The following ANKRD6 variants were observed in gnomAD, a reference collection of about 807,000 sequenced individuals.
The protein encoded by ANKRD6 is ankyrin repeat domain 6, also known as ankyrin repeat domain-containing protein 6.
Under a neutral mutation model 82.3 loss-of-function variants are expected in ANKRD6, and 56 were observed. That is an observed-to-expected ratio of 0.68 (90% CI 0.55 to 0.85). The LOEUF is 0.85. Ranked by LOEUF, ANKRD6 falls within the 40% of genes least tolerant of loss-of-function variation. The probability of loss-of-function intolerance (pLI) is 0.00; values close to 1 mark genes in which losing one functional copy is unlikely to be tolerated. For missense variants in ANKRD6, 852 were observed against 907.6 expected (o/e 0.94, Z 0.79); for synonymous variants, 347 against 352.1 (o/e 0.99, Z 0.16).
intron 1 of ANKRD6, among the ~76,000 whole-genome samples, chr6:89,557,121 T>A (rs888719586): frequency 6.6e-6 from 1 of 151,850 alleles, no homozygotes; most frequent in South Asian, 2.1e-4. Context: ...AGGAACAGGT[T>A]TGGGAGGAAG....
At chr6:89,614,506 C>T (rs970983983) in intron 7 of ANKRD6, among the ~76,000 whole-genome samples, 5 of 151,980 alleles carry the variant, frequency 3.3e-5, no homozygotes, top group African/African-American at 1.2e-4. Context: ...ATTAGCCAGG[C>T]GTGGTGGCGT....
chr6:89,571,947 C>T (rs1790011282), intron 2 of ANKRD6, among the ~76,000 whole-genome samples: 1 of 152,338 alleles, frequency 6.6e-6, no homozygotes, highest in East Asian at 1.9e-4. Flanking sequence ...CCACCCCAAT[C>T]CCTGGCAACC....
intron 1 of ANKRD6, among the ~76,000 whole-genome samples, chr6:89,526,019 T>C (rs1782459314): frequency 9.2e-5 from 14 of 152,248 alleles, no homozygotes; most frequent in Admixed American, 8.5e-4. Context: ...GTTTTTCTTG[T>C]AGCTGTAGGA....
intron 3 of ANKRD6, among the ~76,000 whole-genome samples, chr6:89,599,622 C>T (rs1172071501): frequency 2.7e-5 from 4 of 148,344 alleles, no homozygotes; most frequent in Non-Finnish European, 4.5e-5. Context: ...GATAACTGAC[C>T]CTGTTTCAAC....
intron 1 of ANKRD6, among the ~76,000 whole-genome samples, chr6:89,461,518 G>A (rs1026301947): frequency 1.5e-4 from 23 of 152,172 alleles, no homozygotes; most frequent in African/African-American, 4.1e-4. Flanking sequence ...ACATATGTCC[G>A]TTGCAGAGCT....
chr6:89,491,358 G>A (rs1459456977), intron 1 of ANKRD6, among the ~76,000 whole-genome samples: 1 of 152,006 alleles, frequency 6.6e-6, no homozygotes, highest in African/African-American at 2.4e-5. Flanking sequence ...GATATAGGAG[G>A]GTTGCTCTTA....
At chr6:89,480,163 C>G (rs1375348676) in intron 1 of ANKRD6, among the ~76,000 whole-genome samples, 1 of 152,218 alleles carries the variant, frequency 6.6e-6, no homozygotes, top group African/African-American at 2.4e-5. Flanking sequence ...TGTTCATACT[C>G]TCCTAGATTG....
Position 89,613,884 on chromosome 6 carries a change from G to T in ANKRD6, c.609G>T (p.Lys203Asn). The T allele has an allele frequency of 6.2e-7, 1 of 1,613,912 alleles. No individual in the cohort carries two copies. Residue 203 changes from lysine (K) to asparagine (N), a missense_variant, in exon 7 of 16, where the codon AAG (lysine) becomes AAT (asparagine). Coordinates refer to ENST00000339746, the MANE Select transcript of ANKRD6 (RefSeq NM_001242809.2). The stretch of plus-strand genomic sequence containing the variant: ...CTGCTTTCTGTTCTGTCCATGAAAA[G>T]AACCAGGTCAGTGCATGTATTCTCT... Reference protein sequence around the residue: ...LLTAFCSVHEKNQAGDTALHV... With the variant: ...LLTAFCSVHENNQAGDTALHV...
chr6:89,626,368 C>T (rs1368253554), intron 13 of ANKRD6, among the ~76,000 whole-genome samples: 1 of 152,100 alleles, frequency 6.6e-6, no homozygotes, highest in African/African-American at 2.4e-5. Context: ...GACCGTGGCA[C>T]CCTTGAGTCA....
intron 1 of ANKRD6, 123 bp from the exon 2 acceptor site, chr6:89,566,711 T>TC (rs1371538264): frequency 1.8e-5 from 7 of 388,080 alleles, no homozygotes; most frequent in African/African-American, 8.1e-5. Context: ...GTGTCCTGCC[T>TC]CCCACAGCTA....
chr6:89,448,436 G>GAAA (rs71024376), intron 1 of ANKRD6, among the ~76,000 whole-genome samples: 2 of 144,452 alleles, frequency 1.4e-5, no homozygotes, highest in Admixed American at 6.9e-5. Context: ...TGTCAAAAAA[G>GAAA]AAAAAAAAAA....
At chr6:89,545,323 G>A (rs997662687) in intron 1 of ANKRD6, among the ~76,000 whole-genome samples, 4 of 152,040 alleles carry the variant, frequency 2.6e-5, no homozygotes, top group Non-Finnish European at 4.4e-5. Context: ...TGTCCTTATC[G>A]CAAGTATCAG....
intron 1 of ANKRD6, among the ~76,000 whole-genome samples, chr6:89,449,787 A>G (rs1487104937): frequency 6.6e-6 from 1 of 152,176 alleles, no homozygotes. Flanking sequence ...GCCATTGTGC[A>G]TCTCAGTTTA....
chr6:89,577,986 C>T (rs187960469), intron 2 of ANKRD6, among the ~76,000 whole-genome samples: 37 of 152,238 alleles, frequency 2.4e-4, no homozygotes, highest in African/African-American at 2.2e-4. Context: ...CCCTGAGTAA[C>T]GAAATTGGAA....
intron 1 of ANKRD6, among the ~76,000 whole-genome samples, chr6:89,525,991 G>A (rs1782457896): frequency 6.6e-6 from 1 of 152,236 alleles, no homozygotes; most frequent in East Asian, 1.9e-4. Flanking sequence ...TATTTTTAGG[G>A]AGTTTGGCAA....
intron 13 of ANKRD6, among the ~76,000 whole-genome samples, chr6:89,626,459 G>A (rs988719254): frequency 1.3e-5 from 2 of 152,206 alleles, no homozygotes; most frequent in Non-Finnish European, 2.9e-5. Context: ...ACAGCCACCT[G>A]GAGGAAGAGG....
rs540851825 is a variant in ANKRD6, at chr6:89,447,967, G to A, written c.-144+14592G>A. 1.1e-3 allele frequency among the ~76,000 whole-genome samples: 163 copies of A among 152,036 alleles called. 1 individual carries two copies. Among genetic ancestry groups the A allele is most frequent in the African/African-American group, 3.7e-3 (152 of 41,466 alleles). ...CTCCCAGAGTGCTGGGATTACAGGC[G>A]TGAGCCACTGCACCCAGCTCCATTT... is the stretch of plus-strand genomic sequence containing the variant. On this transcript the variant is annotated intron_variant, in intron 1 of 15. Coordinates refer to ENST00000339746, the MANE Select transcript of ANKRD6 (RefSeq NM_001242809.2).
chr6:89,532,269 C>A (rs1783252525), intron 1 of ANKRD6, among the ~76,000 whole-genome samples: 2 of 152,196 alleles, frequency 1.3e-5, no homozygotes, highest in African/African-American at 2.4e-5. Flanking sequence ...CATTATTAAC[C>A]ATCACCTCCC....
At chr6:89,603,736 A>G (rs1563011324) in intron 4 of ANKRD6, among the ~76,000 whole-genome samples, 1 of 152,226 alleles carries the variant, frequency 6.6e-6, no homozygotes, top group Non-Finnish European at 1.5e-5. Context: ...CTGTAATCCT[A>G]GCACTTTGGG....
Sources: allele counts gnomAD v4.1 joint callset (sites outside exome capture counted in the v4.1 genomes callset), GRCh38; gene constraint gnomAD v4.1.1; transcripts MANE v1.5; gene names NCBI Gene and HGNC (gene_info 2026-07-23, HGNC 2026-07-21).